CRTAM: variants seen among roughly 807,000 people sequenced by gnomAD.
CRTAM encodes the protein cytotoxic and regulatory T-cell molecule.
Under a neutral mutation model 50.0 loss-of-function variants are expected in CRTAM, and 44 were observed. That is an observed-to-expected ratio of 0.88 (90% confidence interval 0.69 to 1.13). The LOEUF (loss-of-function observed/expected upper bound fraction) is 1.13. CRTAM is among the 50% of genes most tolerant of loss of function. The probability of loss-of-function intolerance (pLI) is 0.00; values close to 1 mark genes in which losing one functional copy is unlikely to be tolerated. For synonymous variants in CRTAM, 159 were observed against 169.3 expected (o/e 0.94, Z 0.47); for missense variants, 448 against 457.5 (o/e 0.98, Z 0.19).
intron 9 of CRTAM, 89 bp downstream of exon 9, chr11:122,868,188 ATG>A (rs58440037): frequency 0.049 from 21,290 of 437,994 alleles, 266 homozygotes; most frequent in East Asian, 0.091. Context: ...ACAACAGAAT[ATG>A]TGTGTGTGTG....
intron 1 of CRTAM, among the ~76,000 whole-genome samples, chr11:122,847,357 G>C (rs2370795): frequency 0.056 from 8,470 of 152,150 alleles, 559 homozygotes; most frequent in East Asian, 0.32. Context: ...AAGCCTAGGG[G>C]TCTATTGACA....
In CRTAM at chr11:122,855,759, C is replaced by G; in HGVS notation, c.555C>G (p.Ile185Met). Residue 185 changes from isoleucine to methionine, a missense_variant, in exon 5 of 10, where the codon ATC becomes ATG. Physicochemically the swap from Ile to Met is conservative, Grantham distance 10. Coordinates refer to ENST00000227348, the MANE Select transcript of CRTAM (RefSeq NM_019604.4). ...KKCNTTSTLI[I>M]HTYGKNSTVD... ...GTAATACTACCAGCACTCTCATAAT[C>G]CACACTTATGGCAAAAATTCAACGG... 1 of 1,613,916 alleles carries G rather than the reference C, an allele frequency of 6.2e-7. No homozygotes were observed.
chr11:122,853,600 C>G (rs375898648), intron 3 of CRTAM, among the ~76,000 whole-genome samples: 2 of 151,504 alleles, frequency 1.3e-5, no homozygotes, highest in Admixed American at 6.6e-5. Context: ...GCGGGCGGAT[C>G]AATTGAGGTC....
At chr11:122,859,809 T>C (rs1159849703) in intron 5 of CRTAM, among the ~76,000 whole-genome samples, 1 of 152,230 alleles carries the variant, frequency 6.6e-6, no homozygotes, top group Non-Finnish European at 1.5e-5. Context: ...TACACTTTGC[T>C]TAGAATTTTT....
At chr11:122,866,688 T>C (rs1259137797) in intron 7 of CRTAM, among the ~76,000 whole-genome samples, 1 of 151,946 alleles carries the variant, frequency 6.6e-6, no homozygotes, top group Non-Finnish European at 1.5e-5. Flanking sequence ...CACTGTAACC[T>C]TAAACTCCTG....
At position 122,842,483 on chromosome 11, in the gene CRTAM, C is replaced by T. The variant is rs542649830; in HGVS notation, c.46+3891C>T. 8.0e-3 allele frequency among the ~76,000 whole-genome samples: 1,212 copies of T among 152,140 alleles called. 6 individuals are homozygous for T. Among genetic ancestry groups the T allele is most frequent in the Non-Finnish European group, 0.013 (874 of 67,986 alleles). On this transcript the variant is annotated intron_variant, in intron 1 of 9. Coordinates refer to ENST00000227348, the MANE Select transcript of CRTAM (RefSeq NM_019604.4). Reference sequence around the variant, plus strand: ...TAGTAGACATGGGGTTTCACTATGTCGGCCAGGCTGGTCTCGAACTCCTGA... The same window carrying T: ...TAGTAGACATGGGGTTTCACTATGTTGGCCAGGCTGGTCTCGAACTCCTGA...
chr11:122,870,027 T>C (rs890056033), intron 9 of CRTAM, among the ~76,000 whole-genome samples: 1 of 152,200 alleles, frequency 6.6e-6, no homozygotes, highest in Non-Finnish European at 1.5e-5. Flanking sequence ...AGTAGAATTA[T>C]GTCTGTTAGC....
At chr11:122,851,605 G>C in intron 2 of CRTAM, 88 bp from the exon 3 acceptor site, 1 of 1,138,382 alleles carries the variant, frequency 8.8e-7, no homozygotes, top group South Asian at 1.3e-5. Flanking sequence ...TGTAGAAAGC[G>C]GGGCAGTGCT....
chr11:122,846,844 C>T (rs1861869883), intron 1 of CRTAM, among the ~76,000 whole-genome samples: 1 of 152,086 alleles, frequency 6.6e-6, no homozygotes, highest in Non-Finnish European at 1.5e-5. Context: ...TCTACTAGGA[C>T]CTAACTGCTT....
chr11:122,856,971 G>A (rs1862015424), intron 5 of CRTAM, among the ~76,000 whole-genome samples: 1 of 152,032 alleles, frequency 6.6e-6, no homozygotes, highest in African/African-American at 2.4e-5. Context: ...AGGGCATGTG[G>A]GGGATGAGCC....
At chr11:122,857,832 A>C (rs1862025214) in intron 5 of CRTAM, among the ~76,000 whole-genome samples, 1 of 152,218 alleles carries the variant, frequency 6.6e-6, no homozygotes, top group Non-Finnish European at 1.5e-5. Flanking sequence ...CCTTCCTCTG[A>C]AAAAGCCACA....
Position 122,871,335 on chromosome 11 carries a change from A to G in CRTAM, c.1118A>G (p.Lys373Arg). The change falls in exon 10 of 10, where the codon AAG (lysine) becomes AGG (arginine). Residue 373 changes from lysine (K) to arginine (R), a missense_variant. Lys to Arg is a conservative substitution (Grantham distance 26). Transcript: ENST00000227348. ...TACTCAGAAGCAAAAACAAAGAGGA[A>G]GGAAAATGTACAACATTCAAAATTA... ...KLYSEAKTKR[K>R]ENVQHSKLEE... 1.2e-6 allele frequency: 2 copies of G among 1,613,824 alleles called. No homozygotes were observed. The highest frequency in any genetic ancestry group is 1.7e-6 in the Non-Finnish European group (2 of 1,179,702).
intron 7 of CRTAM, 119 bp from the exon 8 acceptor site, chr11:122,867,290 T>C: frequency 1.2e-6 from 1 of 849,424 alleles, no homozygotes; most frequent in Non-Finnish European, 1.8e-6. Context: ...TTCTCATCTC[T>C]TCATCTGAGC....
chr11:122,849,891 T>C (rs1048646420), intron 1 of CRTAM, among the ~76,000 whole-genome samples, 177 bp from the exon 2 acceptor site: 5 of 152,194 alleles, frequency 3.3e-5, no homozygotes, highest in African/African-American at 9.6e-5. Flanking sequence ...CTTCAAGAGA[T>C]ATCATTACTG....
intron 9 of CRTAM, among the ~76,000 whole-genome samples, chr11:122,869,993 G>T (rs1862233592): frequency 6.6e-6 from 1 of 152,152 alleles, no homozygotes; most frequent in African/African-American, 2.4e-5. Context: ...GTTTTTCCTA[G>T]GCAAGAAGAA....
At chr11:122,866,201 C>G (rs947877385) in intron 7 of CRTAM, among the ~76,000 whole-genome samples, 2 of 152,046 alleles carry the variant, frequency 1.3e-5, no homozygotes, top group African/African-American at 4.8e-5. Flanking sequence ...AAACATCAAC[C>G]CTTTTCAATC....
chr11:122,852,839 C>T (rs1259057211), intron 3 of CRTAM, among the ~76,000 whole-genome samples: 3 of 152,078 alleles, frequency 2.0e-5, no homozygotes, highest in Non-Finnish European at 4.4e-5. Flanking sequence ...ATACCTTTTT[C>T]ATCTTCGTAT....
At chr11:122,861,386 GTATATA>G (rs71057304) in intron 5 of CRTAM, among the ~76,000 whole-genome samples, 439 of 41,744 alleles carry the variant, frequency 0.011, 9 homozygotes, top group African/African-American at 0.014. Flanking sequence ...ATACATATAC[GTATATA>G]TATATATATA....
At chr11:122,861,289 A>G (rs1205724146) in intron 5 of CRTAM, among the ~76,000 whole-genome samples, 2 of 150,384 alleles carry the variant, frequency 1.3e-5, no homozygotes, top group South Asian at 2.1e-4. Flanking sequence ...ATTTGATTAA[A>G]TAAACACCAA....
Sources: gnomAD v4.1 joint callset for allele counts (sites outside exome capture counted in the v4.1 genomes callset) on GRCh38, gnomAD v4.1.1 for gene constraint, MANE v1.5 for transcripts, NCBI Gene and HGNC (gene_info 2026-07-23, HGNC 2026-07-21) for gene names.